ALDH1L1: variants seen among roughly 807,000 people sequenced by gnomAD.
ALDH1L1 encodes the protein aldehyde dehydrogenase 1 family member L1.
In ALDH1L1, 68 loss-of-function variants were observed where a neutral mutation model predicts 101.1. The ratio of observed to expected loss-of-function variants is 0.67; its 90% CI spans 0.55 to 0.82. ALDH1L1 has a LOEUF of 0.82. Ranked by LOEUF, ALDH1L1 falls within the 40% of genes least tolerant of loss-of-function variation. ALDH1L1 has a pLI of 0.00. For missense variants in ALDH1L1, 1,087 were observed against 1,172.7 expected, an observed-to-expected ratio of 0.93 and a Z score of 1.07; for synonymous variants, 486 against 470.8, an observed-to-expected ratio of 1.03 and a Z score of -0.42.
At chr3:126,179,407 GGA>G (rs1447838620) in intron 1 of ALDH1L1, among the ~76,000 whole-genome samples, 3 of 152,228 alleles carry the variant, frequency 2.0e-5, no homozygotes, top group Non-Finnish European at 4.4e-5. Flanking sequence ...GGCTGAGGCG[GGA>G]GAATCACTTG....
chr3:126,107,106 G>C, intron 21 of ALDH1L1, 35 bp downstream of exon 21: 1 of 1,580,564 alleles, frequency 6.3e-7, no homozygotes, highest in Non-Finnish European at 8.7e-7. Flanking sequence ...GTGGGAGAGA[G>C]TCAGGGCCCT....
intron 9 of ALDH1L1, among the ~76,000 whole-genome samples, chr3:126,138,419 C>T (rs1189319521): frequency 6.6e-6 from 1 of 152,048 alleles, no homozygotes; most frequent in Non-Finnish European, 1.5e-5. Flanking sequence ...ATAAAGAACC[C>T]TCAAAACTCA....
chr3:126,178,981 G>A (rs79417416), intron 1 of ALDH1L1, among the ~76,000 whole-genome samples: 4,324 of 152,242 alleles, frequency 0.028, 89 homozygotes, highest in Non-Finnish European at 0.042. Flanking sequence ...CCCCTGCAGG[G>A]AGGCAGAGTC....
chr3:126,155,431 C>T lies in ALDH1L1; in HGVS notation c.601G>A (p.Glu201Lys). ...GCTGTCTCCTTCTTCTGAATCCCCT[C>T]ATAGGTGGCTCCTTCCTCAGGCTGA... The part of the protein sequence containing the change: ...LPQPEEGATY[E>K]GIQKKETAKI... Residue 201 changes from glutamate (E) to lysine (K), a missense_variant, in exon 5 of 23, where the codon GAG becomes AAG. Coordinates refer to ENST00000393434, the MANE Select transcript of ALDH1L1 (RefSeq NM_012190.4). 6.2e-7 allele frequency: 1 copy of T among 1,613,074 alleles called. No homozygotes were observed. Among genetic ancestry groups the T allele is most frequent in the South Asian group, 1.1e-5 (1 of 90,708 alleles).
intron 21 of ALDH1L1, among the ~76,000 whole-genome samples, chr3:126,106,713 C>T (rs1945886327): frequency 6.6e-6 from 1 of 152,216 alleles, no homozygotes; most frequent in South Asian, 2.1e-4. Flanking sequence ...GCCACTCTGT[C>T]ACCCCAGCTG....
chr3:126,179,392 C>T (rs765157912), intron 1 of ALDH1L1, among the ~76,000 whole-genome samples: 1 of 152,180 alleles, frequency 6.6e-6, no homozygotes, highest in Admixed American at 6.5e-5. Flanking sequence ...TTCTAGCACT[C>T]GGGAGGCTGA....
At chr3:126,181,318 A>T, upstream of ALDH1L1, 1 of 399,964 alleles carries the variant, frequency 2.5e-6, no homozygotes, top group East Asian at 5.2e-5. Context: ...CTCCTGGAAC[A>T]CCCTTCCCAC....
At position 126,195,555 on chromosome 3, in the gene ALDH1L1, A is replaced by G. The variant is rs796350841; in HGVS notation, c.-24+2180T>C. Reference sequence around the variant, plus strand: ...CAACCATTGTGGAAGACAGTGTGGCAATTCCTCAAGGATCTAGAACTAGAA... The same window carrying G: ...CAACCATTGTGGAAGACAGTGTGGCGATTCCTCAAGGATCTAGAACTAGAA... On this transcript the variant is annotated intron_variant, in intron 1 of 2. Transcript: ENST00000509952. 5.9e-5 allele frequency among the ~76,000 whole-genome samples: 9 copies of G among 152,320 alleles called. No individual in the cohort carries two copies. The South Asian group carries it at 1.7e-3, about 28-fold the overall frequency.
chr3:126,136,997 G>A (rs1576446012), intron 10 of ALDH1L1, 114 bp from the exon 11 acceptor site: 8 of 1,442,168 alleles, frequency 5.5e-6, no homozygotes, highest in South Asian at 2.7e-5. Context: ...GGGCTTCAGA[G>A]CTGCATGTAG....
intron 18 of ALDH1L1, among the ~76,000 whole-genome samples, chr3:126,114,256 T>G (rs1389628365): frequency 1.3e-5 from 2 of 152,182 alleles, no homozygotes; most frequent in African/African-American, 4.8e-5. Context: ...TCAGAACAGA[T>G]GGAGCTGTGG....
intron 16 of ALDH1L1, among the ~76,000 whole-genome samples, chr3:126,122,266 T>C (rs954037310): frequency 1.3e-5 from 2 of 152,190 alleles, no homozygotes; most frequent in African/African-American, 4.8e-5. Flanking sequence ...ACTGTAAAGG[T>C]AATTAGGTAA....
At chr3:126,154,183 G>C (rs574362018) in intron 6 of ALDH1L1, among the ~76,000 whole-genome samples, 3 of 152,182 alleles carry the variant, frequency 2.0e-5, no homozygotes, top group African/African-American at 7.2e-5. Flanking sequence ...GCCTGCCCAC[G>C]GTCAGCCTGG....
chr3:126,167,210 G>T (rs1284506405), intron 1 of ALDH1L1, among the ~76,000 whole-genome samples: 1 of 152,036 alleles, frequency 6.6e-6, no homozygotes, highest in Non-Finnish European at 1.5e-5. Flanking sequence ...TAAGCAAAAA[G>T]ATTTTAGTTC....
At chr3:126,160,385 G>T (rs1389604684) in intron 2 of ALDH1L1, 1 of 155,968 alleles carries the variant, frequency 6.4e-6, no homozygotes, top group Non-Finnish European at 1.4e-5. Context: ...GTACAATGGA[G>T]AAGACTCGCC....
chr3:126,106,025 C>T (rs1576402683), intron 21 of ALDH1L1, 100 bp from the exon 22 acceptor site: 2 of 1,232,976 alleles, frequency 1.6e-6, no homozygotes, highest in South Asian at 1.4e-5. Flanking sequence ...TGCATAAGAC[C>T]TTCCGAGGAG....
intron 18 of ALDH1L1, among the ~76,000 whole-genome samples, chr3:126,113,414 G>C (rs550023870): frequency 1.5e-4 from 23 of 152,312 alleles, no homozygotes; most frequent in African/African-American, 5.3e-4. Context: ...CTCCTGGCAG[G>C]AGTCCAGAAC....
At chr3:126,186,658 T>A (rs1253848721) in intron 1 of ALDH1L1, among the ~76,000 whole-genome samples, 1 of 149,404 alleles carries the variant, frequency 6.7e-6, no homozygotes, top group African/African-American at 2.5e-5. Flanking sequence ...CCTCATGTCC[T>A]TCCAGGACCC....
chr3:126,123,691 G>GC (rs909782775), intron 16 of ALDH1L1, among the ~76,000 whole-genome samples: 6 of 147,776 alleles, frequency 4.1e-5, no homozygotes, highest in Non-Finnish European at 7.5e-5. Flanking sequence ...AATAATAAAA[G>GC]CAAGGGGGAA....
At chr3:126,141,232 C>A (rs1262083407) in intron 9 of ALDH1L1, among the ~76,000 whole-genome samples, 1 of 152,026 alleles carries the variant, frequency 6.6e-6, no homozygotes, top group African/African-American at 2.4e-5. Flanking sequence ...TTCATACACA[C>A]CTAACACAGC....
Sources: allele counts gnomAD v4.1 joint callset (sites outside exome capture counted in the v4.1 genomes callset), GRCh38; gene constraint gnomAD v4.1.1; transcripts MANE v1.5; gene names NCBI Gene and HGNC (gene_info 2026-07-23, HGNC 2026-07-21).